The following SGCD variants were observed in gnomAD, a reference collection of about 807,000 sequenced individuals.
The protein encoded by SGCD is delta-sarcoglycan.
In SGCD, 18 loss-of-function variants were observed where a neutral mutation model predicts 36.6. The observed-to-expected ratio is 0.49, with a 90% confidence interval of 0.34 to 0.73. The LOEUF (loss-of-function observed/expected upper bound fraction) is 0.73, where lower values mean the gene tolerates loss of function less well. SGCD is among the 30% of genes least tolerant of loss of function. The pLI, the probability that SGCD is intolerant of heterozygous loss-of-function variation, is 0.01. For missense variants in SGCD, 387 were observed against 346.7 expected (o/e 1.12, Z -0.92); for synonymous variants, 133 against 130.6 (o/e 1.02, Z -0.12).
chr5:156,112,494 T>G (rs79181731), intron 1 of SGCD, among the ~76,000 whole-genome samples: 1 of 152,224 alleles, frequency 6.6e-6, no homozygotes, highest in Non-Finnish European at 1.5e-5. Flanking sequence ...AGGCTCAGGA[T>G]TAGCAAACCT....
intron 3 of SGCD, among the ~76,000 whole-genome samples, chr5:156,410,652 AG>A (rs1466898963): frequency 3.3e-5 from 5 of 152,198 alleles, no homozygotes; most frequent in African/African-American, 9.7e-5. Context: ...TTGGTATTAT[AG>A]CAGCCCCCTG....
intron 3 of SGCD, among the ~76,000 whole-genome samples, chr5:156,415,454 C>T (rs1435843792): frequency 1.3e-5 from 2 of 152,130 alleles, no homozygotes; most frequent in Non-Finnish European, 2.9e-5. Flanking sequence ...AGCACGTGGT[C>T]TCAGGTGGGT....
chr5:156,395,076 T>C (rs1771776512), intron 3 of SGCD, among the ~76,000 whole-genome samples: 1 of 152,176 alleles, frequency 6.6e-6, no homozygotes, highest in Non-Finnish European at 1.5e-5. Context: ...TGTGTGTGCA[T>C]TGTGGAAATG....
the SGCD span, among the ~76,000 whole-genome samples, chr5:155,778,571 C>T: frequency 2.0e-5 from 3 of 152,062 alleles, no homozygotes; most frequent in Non-Finnish European, 4.4e-5. Flanking sequence ...CCAGAGCCTA[C>T]GCATCTAATT....
chr5:156,324,331 T>C (rs141232775), upstream of SGCD, among the ~76,000 whole-genome samples: 5 of 152,328 alleles, frequency 3.3e-5, no homozygotes, highest in East Asian at 9.7e-4. Context: ...AGTTAACATG[T>C]ACCTGTAATA....
At chr5:156,136,786 A>G (rs527244982) in intron 3 of SGCD, among the ~76,000 whole-genome samples, 31 of 152,256 alleles carry the variant, frequency 2.0e-4, no homozygotes, top group Non-Finnish European at 4.0e-4. Context: ...ATTGAACTCA[A>G]GCAAAAGTTA....
intron 7 of SGCD, among the ~76,000 whole-genome samples, chr5:156,696,039 A>G (rs964614233): frequency 2.0e-5 from 3 of 152,208 alleles, no homozygotes; most frequent in Non-Finnish European, 2.9e-5. Context: ...ATTCTTAGCC[A>G]TTTACAACCT....
At chr5:156,524,726 A>G (rs1271521312) in intron 4 of SGCD, among the ~76,000 whole-genome samples, 1 of 151,938 alleles carries the variant, frequency 6.6e-6, no homozygotes, top group Non-Finnish European at 1.5e-5. Context: ...GTACTCTTTG[A>G]TGAACATCTT....
chr5:156,226,857 A>AT (rs905003323), intron 3 of SGCD, among the ~76,000 whole-genome samples: 40 of 150,776 alleles, frequency 2.7e-4, no homozygotes, highest in African/African-American at 5.8e-4. Context: ...GACATTGAGC[A>AT]TTTTTTTTTG....
At chr5:156,568,534 A>C (rs762673122) in intron 4 of SGCD, among the ~76,000 whole-genome samples, 2 of 152,232 alleles carry the variant, frequency 1.3e-5, no homozygotes, top group Non-Finnish European at 2.9e-5. Context: ...GGATCATATT[A>C]GGTGGCTAAT....
the SGCD span, among the ~76,000 whole-genome samples, chr5:155,747,045 G>T: frequency 1.3e-5 from 2 of 151,890 alleles, no homozygotes; most frequent in Admixed American, 6.6e-5. Context: ...CTCCTCCAGG[G>T]GCTCTCCACC....
intron 1 of SGCD, among the ~76,000 whole-genome samples, chr5:156,078,656 A>G (rs1760865916): frequency 6.7e-6 from 1 of 148,224 alleles, no homozygotes; most frequent in Non-Finnish European, 1.5e-5. Flanking sequence ...ACACACACAC[A>G]TATATATACA....
chr5:156,092,677 T>A (rs1761274231), intron 1 of SGCD, among the ~76,000 whole-genome samples: 1 of 152,222 alleles, frequency 6.6e-6, no homozygotes, highest in African/African-American at 2.4e-5. Flanking sequence ...GAGTAGTATT[T>A]GTAGCTGTAG....
At chr5:156,541,431 C>T (rs1410502086) in intron 4 of SGCD, among the ~76,000 whole-genome samples, 2 of 151,918 alleles carry the variant, frequency 1.3e-5, no homozygotes, top group African/African-American at 4.8e-5. Flanking sequence ...ATGGTAATTC[C>T]CAATGGGATG....
intron 3 of SGCD, among the ~76,000 whole-genome samples, chr5:156,355,824 A>G (rs1179541818): frequency 6.6e-6 from 1 of 152,146 alleles, no homozygotes; most frequent in Non-Finnish European, 1.5e-5. Context: ...TTTAATAGGG[A>G]TGGGGTTTCG....
chr5:156,358,752 A>G (rs1266408925), intron 3 of SGCD, among the ~76,000 whole-genome samples: 2 of 152,208 alleles, frequency 1.3e-5, no homozygotes, highest in Non-Finnish European at 2.9e-5. Flanking sequence ...TCAAGTCAAG[A>G]TGATTGCACA....
At chr5:156,655,162 C>G (rs1763623682) in intron 7 of SGCD, among the ~76,000 whole-genome samples, 1 of 152,068 alleles carries the variant, frequency 6.6e-6, no homozygotes, top group African/African-American at 2.4e-5. Flanking sequence ...TATTTAGACA[C>G]AGACTGTCTT....
intron 4 of SGCD, among the ~76,000 whole-genome samples, chr5:156,514,905 A>C (rs1169212571): frequency 6.6e-6 from 1 of 152,202 alleles, no homozygotes; most frequent in Non-Finnish European, 1.5e-5. Context: ...ACTTGACATA[A>C]AGTGAGGTCC....
At chr5:156,373,250 ACTT>A (rs762695086) in intron 3 of SGCD, among the ~76,000 whole-genome samples, 30 of 152,248 alleles carry the variant, frequency 2.0e-4, no homozygotes, top group South Asian at 6.2e-4. Flanking sequence ...TACATTTTCG[ACTT>A]CTTCTTTTTC....
Sources: allele counts gnomAD v4.1 joint callset (sites outside exome capture counted in the v4.1 genomes callset), GRCh38; gene constraint gnomAD v4.1.1; transcripts MANE v1.5; gene names NCBI Gene and HGNC (gene_info 2026-07-23, HGNC 2026-07-21).